SYBU: variants seen among roughly 807,000 people sequenced by gnomAD.
SYBU encodes GOLSYN A protein.
SYBU carries 21 observed loss-of-function variants against 35.9 expected under a neutral mutation model. That is an observed-to-expected ratio of 0.58 (90% CI 0.41 to 0.84). SYBU has a LOEUF of 0.84. SYBU is among the 40% of genes least tolerant of loss of function. SYBU has a pLI of 0.00. For synonymous variants in SYBU, 319 were observed against 324.3 expected (o/e 0.98, Z 0.18); for missense variants, 768 against 848.2 (o/e 0.91, Z 1.17).
At chr8:109,684,257 G>A (rs74765821), upstream of SYBU, among the ~76,000 whole-genome samples, 1,334 of 152,264 alleles carry the variant, frequency 8.8e-3, 26 homozygotes, top group African/African-American at 0.031. Context: ...ATTTAAGAAT[G>A]ATAAGAATTT....
At chr8:109,615,568 G>A (rs770236290) in intron 3 of SYBU, among the ~76,000 whole-genome samples, 5 of 152,060 alleles carry the variant, frequency 3.3e-5, no homozygotes, top group East Asian at 1.9e-4. Flanking sequence ...CTGTAGCAAC[G>A]TTTCCAGTGA....
intron 3 of SYBU, chr8:109,586,466 A>T: frequency 3.2e-6 from 1 of 308,010 alleles, no homozygotes. Context: ...GTTCTCCCGT[A>T]TGTGAGGCTC....
intron 5 of SYBU, 98 bp from the exon 6 acceptor site, chr8:109,578,115 C>T: frequency 7.5e-7 from 1 of 1,330,234 alleles, no homozygotes; most frequent in Admixed American, 2.3e-5. Flanking sequence ...GTCTGTGTCC[C>T]TCCAGAATTC....
At chr8:109,676,487 A>G (rs1817195454) in intron 1 of SYBU, among the ~76,000 whole-genome samples, 1 of 152,108 alleles carries the variant, frequency 6.6e-6, no homozygotes, top group African/African-American at 2.4e-5. Flanking sequence ...TTCTTATCTC[A>G]GGAAAACACT....
chr8:109,618,035 T>A (rs1009155040), intron 3 of SYBU, among the ~76,000 whole-genome samples: 1 of 152,196 alleles, frequency 6.6e-6, no homozygotes, highest in African/African-American at 2.4e-5. Context: ...AAGACAAATG[T>A]AAGAAACAAG....
intron 1 of SYBU, among the ~76,000 whole-genome samples, chr8:109,652,885 A>T (rs1258977810): frequency 6.6e-6 from 1 of 152,222 alleles, no homozygotes; most frequent in East Asian, 1.9e-4. Context: ...GCTAGGTAAC[A>T]TCTCTGTATC....
rs745567598 is a variant in SYBU, at chr8:109,618,917, T to A, written c.352A>T (p.Ile118Phe). Residue 118 changes from isoleucine to phenylalanine, a missense_variant, in exon 3 of 7, where the codon ATT becomes TTT. By Grantham distance (21) the Ile-to-Phe change is conservative. Coordinates refer to ENST00000276646, the MANE Select transcript of SYBU (RefSeq NM_001099754.2). ...ATGCTTCCTTCACCAACCATTCCAATCGTGCATTTCTTTCTGGTGAAGCCT... is the reference window on the plus strand; with the variant it reads ...ATGCTTCCTTCACCAACCATTCCAAACGTGCATTTCTTTCTGGTGAAGCCT... ...DEGFTRKKCT[I>F]GMVGEGSIQS... 1 of 1,614,100 alleles carries A rather than the reference T, an allele frequency of 6.2e-7. No individual in the cohort carries two copies. Among genetic ancestry groups the A allele is most frequent in the Admixed American group, 1.7e-5 (1 of 60,012 alleles).
intron 2 of SYBU, among the ~76,000 whole-genome samples, chr8:109,640,598 T>C (rs1426295713): frequency 1.3e-5 from 2 of 152,286 alleles, no homozygotes; most frequent in East Asian, 1.9e-4. Flanking sequence ...AATATGACTC[T>C]AGATTCTAGG....
intron 3 of SYBU, among the ~76,000 whole-genome samples, chr8:109,593,665 AC>A (rs1563696429): frequency 6.6e-6 from 1 of 152,224 alleles, no homozygotes; most frequent in Non-Finnish European, 1.5e-5. Flanking sequence ...ATAACATTTC[AC>A]AATCCAGCAT....
chr8:109,658,956 A>T (rs978657717), intron 1 of SYBU, among the ~76,000 whole-genome samples: 1 of 124,360 alleles, frequency 8.0e-6, no homozygotes. Context: ...ACTCTGCCTA[A>T]AAAAAAAAAG....
intron 3 of SYBU, among the ~76,000 whole-genome samples, chr8:109,597,449 G>T (rs984329176): frequency 6.6e-6 from 1 of 152,112 alleles, no homozygotes; most frequent in African/African-American, 2.4e-5. Context: ...TGGGTGCAGT[G>T]GCTCCCGTCT....
At chr8:109,636,358 G>A (rs1586902554) in intron 2 of SYBU, among the ~76,000 whole-genome samples, 1 of 152,306 alleles carries the variant, frequency 6.6e-6, no homozygotes, top group South Asian at 2.1e-4. Context: ...TGGGACACAG[G>A]TGAGTAAAAG....
chr8:109,574,613 G>T lies in SYBU; in HGVS notation c.*293C>A. The T allele has an allele frequency of 3.3e-6, 1 of 302,258 alleles. No individual in the cohort carries two copies. The highest frequency in any genetic ancestry group is 6.1e-6 in the Non-Finnish European group (1 of 164,744). 18.7% of individuals were successfully genotyped at this position (302,258 alleles called of 1,614,324 possible). On this transcript the variant is annotated 3_prime_UTR_variant, in exon 7 of 7. Coordinates refer to ENST00000276646, the MANE Select transcript of SYBU (RefSeq NM_001099754.2). Reference sequence around the variant, plus strand: ...AAGCTGTCTTGAAAGTGCAAACTGCGTTTTCTCTTCCTGAACCACTAGGAT... The same window carrying T: ...AAGCTGTCTTGAAAGTGCAAACTGCTTTTTCTCTTCCTGAACCACTAGGAT...
intron 1 of SYBU, among the ~76,000 whole-genome samples, chr8:109,656,268 G>A (rs1232936740): frequency 2.0e-5 from 3 of 152,186 alleles, no homozygotes; most frequent in South Asian, 2.1e-4. Flanking sequence ...GAGACACTAA[G>A]TATAGAACCG....
rs1822121279 is a variant in SYBU at position 109,575,358 on chromosome 8, A to G, written c.1540T>C (p.Cys514Arg). 1 of 1,614,152 alleles carries G rather than the reference A, an allele frequency of 6.2e-7. No homozygotes were observed. The highest frequency in any genetic ancestry group is 8.5e-7 in the Non-Finnish European group (1 of 1,180,022). ...QSVLQKLQDP[C>R]PSSLASPDES... ...TCAGGGGACGCCAAGCTCGAGGGACAGGGGTCCTGGAGCTTCTGCAGCACA... is the reference window on the plus strand; with the variant it reads ...TCAGGGGACGCCAAGCTCGAGGGACGGGGGTCCTGGAGCTTCTGCAGCACA... The change falls in exon 7 of 7, where the codon TGT becomes CGT. Residue 514 changes from cysteine (C) to arginine (R), a missense_variant. Physicochemically the swap from Cys to Arg is radical, Grantham distance 180. Coordinates refer to ENST00000276646, the MANE Select transcript of SYBU (RefSeq NM_001099754.2).
At chr8:109,639,863 C>A (rs1586912941) in intron 2 of SYBU, among the ~76,000 whole-genome samples, 1 of 152,246 alleles carries the variant, frequency 6.6e-6, no homozygotes, top group East Asian at 1.9e-4. Context: ...CATTTATTTT[C>A]CACCCACCAA....
chr8:109,618,450 G>A (rs1812060937), intron 3 of SYBU, among the ~76,000 whole-genome samples: 1 of 152,166 alleles, frequency 6.6e-6, no homozygotes, highest in African/African-American at 2.4e-5. Context: ...GCTCTACAGA[G>A]ATTTGCATTG....
In SYBU at chr8:109,676,175, C is replaced by A. The variant is rs971650439; in HGVS notation, c.-129+4536G>T. 2.0e-5 allele frequency among the ~76,000 whole-genome samples: 3 copies of A among 152,024 alleles called. No homozygotes were observed. The East Asian group carries it at 5.8e-4, about 29-fold the overall frequency. On this transcript the variant is annotated intron_variant, in intron 1 of 5. Transcript: ENST00000408889. ...AGAGCTATTTATGACAAACCCACAG[C>A]CAATATACTGAATGGGGAAAAGCTG... is the stretch of plus-strand genomic sequence containing the variant.
chr8:109,651,692 C>T (rs1238369751), intron 1 of SYBU, among the ~76,000 whole-genome samples: 1 of 152,046 alleles, frequency 6.6e-6, no homozygotes, highest in Non-Finnish European at 1.5e-5. Context: ...AGAACAGACG[C>T]AAAGCCTAGC....
Sources: gnomAD v4.1 joint callset for allele counts (sites outside exome capture counted in the v4.1 genomes callset) on GRCh38, gnomAD v4.1.1 for gene constraint, MANE v1.5 for transcripts, NCBI Gene and HGNC (gene_info 2026-07-23, HGNC 2026-07-21) for gene names.